The following TTC39B variants were observed in gnomAD, a reference collection of about 807,000 sequenced individuals.
TTC39B encodes the protein tetratricopeptide repeat protein 39B.
A neutral mutation model predicts 96.6 loss-of-function variants in TTC39B; 92 were observed. That is an observed-to-expected ratio of 0.95 (90% CI 0.80 to 1.13). The LOEUF (loss-of-function observed/expected upper bound fraction) is 1.13. TTC39B is among the 50% of genes most tolerant of loss of function. The pLI, the probability that TTC39B is intolerant of heterozygous loss-of-function variation, is 0.00. For synonymous variants in TTC39B, 367 were observed against 299.4 expected, an observed-to-expected ratio of 1.23 and a Z score of -2.33; for missense variants, 955 against 809.3, an observed-to-expected ratio of 1.18 and a Z score of -2.18.
intron 3 of TTC39B, among the ~76,000 whole-genome samples, chr9:15,215,082 C>T (rs527440794): frequency 7.8e-4 from 119 of 152,074 alleles, no homozygotes; most frequent in African/African-American, 2.8e-3. Context: ...AGTGAGCACT[C>T]GTCTCTATAA....
At chr9:15,193,218 C>T (rs1225682785) in intron 8 of TTC39B, among the ~76,000 whole-genome samples, 6 of 152,224 alleles carry the variant, frequency 3.9e-5, no homozygotes, top group African/African-American at 1.4e-4. Context: ...CTGTCCTCTG[C>T]TTTCTTCCTG....
intron 1 of TTC39B, among the ~76,000 whole-genome samples, chr9:15,295,123 T>C (rs963673322): frequency 1.2e-4 from 18 of 152,144 alleles, no homozygotes; most frequent in Admixed American, 9.2e-4. Flanking sequence ...TACAATACAT[T>C]ACAAACAAAC....
chr9:15,240,220 G>T (rs1055144467), intron 2 of TTC39B, among the ~76,000 whole-genome samples: 1 of 152,120 alleles, frequency 6.6e-6, no homozygotes, highest in Non-Finnish European at 1.5e-5. Context: ...CCTGTCACCA[G>T]TGCATTCAGA....
chr9:15,295,421 G>C (rs1483695787), intron 1 of TTC39B, among the ~76,000 whole-genome samples: 2 of 152,344 alleles, frequency 1.3e-5, no homozygotes, highest in Non-Finnish European at 2.9e-5. Context: ...AAAGGGCAAA[G>C]GGTTTAGAGT....
exon 20 of TTC39B, chr9:15,168,971 C>T (rs529330820): frequency 1.3e-5 from 2 of 152,174 alleles, no homozygotes; most frequent in East Asian, 1.9e-4. Context: ...TCTTTACACA[C>T]TCCCTGCTGA....
intron 1 of TTC39B, among the ~76,000 whole-genome samples, chr9:15,303,849 G>A (rs907225596): frequency 6.6e-6 from 1 of 151,962 alleles, no homozygotes; most frequent in African/African-American, 2.4e-5. Context: ...TGGTCAGGCT[G>A]GTCTCGAACT....
chr9:15,229,812 GC>G, intron 2 of TTC39B, among the ~76,000 whole-genome samples: 1 of 152,148 alleles, frequency 6.6e-6, no homozygotes, highest in East Asian at 1.9e-4. Flanking sequence ...GCCAACTGGG[GC>G]AAGTTCTCTA....
intron 8 of TTC39B, among the ~76,000 whole-genome samples, chr9:15,199,557 A>T (rs909937344): frequency 6.6e-6 from 1 of 151,494 alleles, no homozygotes; most frequent in Non-Finnish European, 1.5e-5. Context: ...AACACAGTGA[A>T]ACCCCATCTC....
intron 2 of TTC39B, chr9:15,250,084 G>C (rs558091359): frequency 7.8e-7 from 1 of 1,277,202 alleles, no homozygotes; most frequent in South Asian, 1.3e-5. Flanking sequence ...TTGGTCTCCA[G>C]TGAGACTCTC....
intron 1 of TTC39B, among the ~76,000 whole-genome samples, chr9:15,284,431 G>A (rs1411207847): frequency 6.6e-6 from 1 of 152,148 alleles, no homozygotes; most frequent in Non-Finnish European, 1.5e-5. Context: ...CCAAGATTAT[G>A]ATACACACTG....
intron 2 of TTC39B, among the ~76,000 whole-genome samples, chr9:15,231,703 T>C (rs1226334676): frequency 1.3e-5 from 2 of 152,150 alleles, no homozygotes; most frequent in Non-Finnish European, 2.9e-5. Context: ...CCCCAATAAA[T>C]CCAACACAAT....
At chr9:15,218,632 T>TAAAAAAAAAAAATA (rs545882970) in intron 3 of TTC39B, among the ~76,000 whole-genome samples, 125 of 105,152 alleles carry the variant, frequency 1.2e-3, no homozygotes, top group African/African-American at 4.4e-3. Flanking sequence ...TTAGTCTATT[T>TAAAAAAAAAAAATA]TAAATATATA....
At chr9:15,243,471 T>C (rs1010467724) in intron 2 of TTC39B, among the ~76,000 whole-genome samples, 1 of 152,144 alleles carries the variant, frequency 6.6e-6, no homozygotes, top group African/African-American at 2.4e-5. Context: ...TGGCAGAATA[T>C]AAGGCTCCAC....
At chr9:15,185,452 C>T (rs766430647) in intron 15 of TTC39B, 46 bp from the exon 16 acceptor site, 1 of 1,607,430 alleles carries the variant, frequency 6.2e-7, no homozygotes. Flanking sequence ...CATGGCAACA[C>T]ATACATTATT....
intron 2 of TTC39B, among the ~76,000 whole-genome samples, chr9:15,230,102 T>C (rs1203530812): frequency 2.6e-5 from 4 of 152,218 alleles, no homozygotes. Flanking sequence ...AAAAGAGCCA[T>C]GCTAAATCTT....
At chr9:15,217,405 A>AC (rs1820582355) in intron 3 of TTC39B, among the ~76,000 whole-genome samples, 1 of 151,574 alleles carries the variant, frequency 6.6e-6, no homozygotes, top group African/African-American at 2.4e-5. Flanking sequence ...CACTATACAC[A>AC]CCCCCACTTA....
At chr9:15,307,181 C>T in exon 1 of TTC39B, 1 of 1,586,702 alleles carries the variant, frequency 6.3e-7, no homozygotes, top group African/African-American at 1.3e-5. Flanking sequence ...AGAGCCGACT[C>T]CTGCTCTCGG....
intron 2 of TTC39B, among the ~76,000 whole-genome samples, chr9:15,252,100 A>G (rs1038078473): frequency 7.9e-5 from 12 of 152,188 alleles, no homozygotes; most frequent in Admixed American, 3.9e-4. Context: ...GGTGTTGTGA[A>G]GTTCAGGCTT....
intron 1 of TTC39B, among the ~76,000 whole-genome samples, chr9:15,269,389 G>T (rs1297315021): frequency 2.0e-5 from 3 of 152,042 alleles, no homozygotes; most frequent in Non-Finnish European, 4.4e-5. Context: ...TGAATGAATG[G>T]AACCTGGACC....
Sources: allele counts gnomAD v4.1 joint callset (sites outside exome capture counted in the v4.1 genomes callset), GRCh38; gene constraint gnomAD v4.1.1; transcripts MANE v1.5; gene names NCBI Gene and HGNC (gene_info 2026-07-23, HGNC 2026-07-21).